Variants in EML4 observed in about 807,000 individuals in gnomAD.
The protein encoded by EML4 is EMAP like 4.
In EML4, 72 loss-of-function variants were observed where a neutral mutation model predicts 129.0. That is an observed-to-expected ratio of 0.56 (90% confidence interval 0.46 to 0.68). EML4 has a LOEUF of 0.68. Ranked by LOEUF, EML4 falls within the 30% of genes least tolerant of loss-of-function variation. EML4 has a pLI of 0.00. For synonymous variants in EML4, 532 were observed against 405.0 expected, an observed-to-expected ratio of 1.31 and a Z score of -3.77; for missense variants, 1,363 against 1,190.6, an observed-to-expected ratio of 1.14 and a Z score of -2.13.
chr2:42,227,449 A>G (rs1047408830), intron 1 of EML4, among the ~76,000 whole-genome samples: 1 of 151,250 alleles, frequency 6.6e-6, no homozygotes, highest in Non-Finnish European at 1.5e-5. Flanking sequence ...ACCTGCTTTC[A>G]AAATTAATAT....
At chr2:42,267,475 GC>G (rs1666122617) in intron 6 of EML4, among the ~76,000 whole-genome samples, 1 of 152,154 alleles carries the variant, frequency 6.6e-6, no homozygotes, top group South Asian at 2.1e-4. Context: ...GACAATGATA[GC>G]TGTGGCTTGT....
chr2:42,195,883 A>G (rs548343086), intron 1 of EML4, among the ~76,000 whole-genome samples: 1 of 152,358 alleles, frequency 6.6e-6, no homozygotes, highest in South Asian at 2.1e-4. Flanking sequence ...TTATTTTTCA[A>G]TAACTGAATT....
At chr2:42,309,093 T>C (rs1668782477) in intron 17 of EML4, among the ~76,000 whole-genome samples, 1 of 152,120 alleles carries the variant, frequency 6.6e-6, no homozygotes, top group Non-Finnish European at 1.5e-5. Flanking sequence ...AGTAGAATTG[T>C]TGGGTTAAAA....
intron 17 of EML4, among the ~76,000 whole-genome samples, chr2:42,312,454 C>T (rs1669013182): frequency 6.6e-6 from 1 of 152,144 alleles, no homozygotes; most frequent in African/African-American, 2.4e-5. Context: ...TCTCTGAAGC[C>T]TACCTAAAGA....
chr2:42,238,514 G>T (rs1448195079), intron 1 of EML4, among the ~76,000 whole-genome samples: 1 of 152,192 alleles, frequency 6.6e-6, no homozygotes, highest in Non-Finnish European at 1.5e-5. Flanking sequence ...AGGCTGAGAG[G>T]GGAGGATTGC....
At chr2:42,262,545 C>T (rs189270776) in intron 4 of EML4, among the ~76,000 whole-genome samples, 1 of 151,960 alleles carries the variant, frequency 6.6e-6, no homozygotes, top group African/African-American at 2.4e-5. Context: ...TATACTGTTG[C>T]AAGAAGTATT....
chr2:42,327,187 T>C (rs973900724), intron 21 of EML4, among the ~76,000 whole-genome samples: 1 of 152,246 alleles, frequency 6.6e-6, no homozygotes, highest in African/African-American at 2.4e-5. Flanking sequence ...TTTACTCTTT[T>C]TATGGCTGAG....
chr2:42,223,555 A>G (rs1367252248), intron 1 of EML4, among the ~76,000 whole-genome samples: 1 of 152,122 alleles, frequency 6.6e-6, no homozygotes, highest in Non-Finnish European at 1.5e-5. Context: ...ATTTTACTGT[A>G]GCAGGTCATC....
chr2:42,329,789 C>T lies in EML4; in HGVS notation c.2528C>T (p.Thr843Ile). Residue 843 changes from threonine (T) to isoleucine (I), a missense_variant, in exon 23 of 23, where the codon ACT becomes ATT. Transcript: ENST00000318522. Reference sequence around the variant, plus strand: ...AGCCATGTCACCAATGTCAGTTTTACTCACAATGACAGTCACCTGATATCA... The same window carrying T: ...AGCCATGTCACCAATGTCAGTTTTATTCACAATGACAGTCACCTGATATCA... ...HSSHVTNVSFTHNDSHLISTG... is the reference protein window; with the variant it reads ...HSSHVTNVSFIHNDSHLISTG... 2.5e-6 allele frequency: 4 copies of T among 1,614,140 alleles called. No individual in the cohort carries two copies. Among genetic ancestry groups the T allele is most frequent in the Non-Finnish European group, 3.4e-6 (4 of 1,180,020 alleles).
At chr2:42,249,868 C>T (rs568659008) in intron 2 of EML4, among the ~76,000 whole-genome samples, 1 of 152,098 alleles carries the variant, frequency 6.6e-6, no homozygotes, top group Admixed American at 6.6e-5. Flanking sequence ...AGAATTCTTT[C>T]CTTTTGACGG....
rs759490473 is a variant in EML4, at chr2:42,303,110, G to T, written c.1648G>T (p.Asp550Tyr). 6.2e-7 allele frequency: 1 copy of T among 1,613,796 alleles called. No homozygotes were observed. Among genetic ancestry groups the T allele is most frequent in the Admixed American group, 1.7e-5 (1 of 59,984 alleles). Residue 550 changes from aspartate (D) to tyrosine (Y), a missense_variant, in exon 15 of 23, where the codon GAT becomes TAT. Transcript: ENST00000318522. ...LNPEREIEVP[D>Y]QYGTIRAVAE... ...TTTACACTTTTTTTTCTAGGTTCCTGATCAGTATGGCACAATCAGAGCTGT... is the reference window on the plus strand; with the variant it reads ...TTTACACTTTTTTTTCTAGGTTCCTTATCAGTATGGCACAATCAGAGCTGT...
At chr2:42,255,445 G>A (rs1481182537) in intron 2 of EML4, among the ~76,000 whole-genome samples, 1 of 152,096 alleles carries the variant, frequency 6.6e-6, no homozygotes, top group African/African-American at 2.4e-5. Flanking sequence ...AGTGGTGATG[G>A]TTGCACAACA....
intron 1 of EML4, among the ~76,000 whole-genome samples, chr2:42,207,035 A>G (rs935223292): frequency 6.6e-6 from 1 of 152,228 alleles, no homozygotes; most frequent in Non-Finnish European, 1.5e-5. Context: ...GAAATGAGAC[A>G]ATGCAGCTGT....
intron 21 of EML4, among the ~76,000 whole-genome samples, chr2:42,328,451 T>C (rs1044820462): frequency 6.6e-6 from 1 of 152,254 alleles, no homozygotes; most frequent in Non-Finnish European, 1.5e-5. Context: ...TTGGAGGTGC[T>C]TGCCTGAAAG....
chr2:42,285,980 A>C, intron 9 of EML4: 1 of 357,792 alleles, frequency 2.8e-6, no homozygotes. Context: ...GTTAAATGAT[A>C]ATTATAATAG....
At chr2:42,275,442 A>G (rs1039226772) in intron 6 of EML4, among the ~76,000 whole-genome samples, 3 of 152,190 alleles carry the variant, frequency 2.0e-5, no homozygotes, top group Non-Finnish European at 4.4e-5. Context: ...AAAGTCTAAA[A>G]ATTTATTTAA....
chr2:42,299,964 G>A (rs1264428685), intron 13 of EML4, among the ~76,000 whole-genome samples: 4 of 152,200 alleles, frequency 2.6e-5, no homozygotes, highest in Non-Finnish European at 5.9e-5. Flanking sequence ...GGGATTACAG[G>A]TGTGAGCCAC....
intron 20 of EML4, among the ~76,000 whole-genome samples, chr2:42,325,765 C>G (rs953548770): frequency 6.6e-6 from 1 of 151,028 alleles, no homozygotes; most frequent in Non-Finnish European, 1.5e-5. Context: ...TAATGAGAAT[C>G]TCAAATGTGA....
intron 3 of EML4, among the ~76,000 whole-genome samples, chr2:42,259,049 C>G (rs1665540648): frequency 6.6e-6 from 1 of 152,024 alleles, no homozygotes; most frequent in Non-Finnish European, 1.5e-5. Context: ...GAGTTTGAGA[C>G]CAGTCTGGCC....
Sources: gnomAD v4.1 joint callset for allele counts (sites outside exome capture counted in the v4.1 genomes callset) on GRCh38, gnomAD v4.1.1 for gene constraint, MANE v1.5 for transcripts, NCBI Gene and HGNC (gene_info 2026-07-23, HGNC 2026-07-21) for gene names.